Variants in C14orf39 observed in about 807,000 individuals in gnomAD.
C14orf39 encodes the protein protein SIX6OS1.
Under a neutral mutation model 85.6 loss-of-function variants are expected in C14orf39, and 66 were observed. The ratio of observed to expected loss-of-function variants is 0.77; its 90% CI spans 0.63 to 0.95. The LOEUF is 0.95. C14orf39 is among the 40% of genes least tolerant of loss of function. The pLI is 0.00. For missense variants in C14orf39, 735 were observed against 663.9 expected (o/e 1.11, Z -1.18); for synonymous variants, 242 against 214.0 (o/e 1.13, Z -1.14).
intron 1 of C14orf39, chr14:60,511,589 G>T: frequency 2.1e-6 from 1 of 486,646 alleles, no homozygotes; most frequent in Non-Finnish European, 3.8e-6. Context: ...GGTATTTCAC[G>T]TCGAAAGGAC....
In C14orf39 at chr14:60,456,997, T is replaced by C; in HGVS notation, c.1278A>G (p.Ile426Met). 1 of 1,611,536 alleles carries C rather than the reference T, an allele frequency of 6.2e-7. No homozygotes were observed. Among genetic ancestry groups the C allele is most frequent in the Middle Eastern group, 1.7e-4 (1 of 6,050 alleles). The change falls in exon 15 of 18, where the codon ATA becomes ATG. Residue 426 changes from isoleucine (I) to methionine (M), a missense_variant. Physicochemically the swap from Ile to Met is conservative, Grantham distance 10. Coordinates refer to ENST00000321731, the MANE Select transcript of C14orf39 (RefSeq NM_174978.3). ...TCACAGCTTTGGGAGTTCCTAAAAA[T>C]ATAGGAATTTCAGACGTTCGTGGAA... ...ENFPRTSEIP[I>M]FLGTPKAVKA...
intron 16 of C14orf39, among the ~76,000 whole-genome samples, chr14:60,454,516 T>C (rs529504264): frequency 2.6e-5 from 4 of 152,140 alleles, no homozygotes; most frequent in African/African-American, 9.6e-5. Flanking sequence ...GAATAAAGCA[T>C]GTCTCAATTT....
At chr14:60,438,615 A>C (rs1017991643) in intron 17 of C14orf39, among the ~76,000 whole-genome samples, 1 of 152,144 alleles carries the variant, frequency 6.6e-6, no homozygotes, top group African/African-American at 2.4e-5. Flanking sequence ...GATCTAGAGG[A>C]GATTTTATAT....
intron 5 of C14orf39, among the ~76,000 whole-genome samples, chr14:60,473,683 T>C (rs1231015631): frequency 6.6e-6 from 1 of 152,232 alleles, no homozygotes; most frequent in Non-Finnish European, 1.5e-5. Context: ...TTCTTGTTTT[T>C]GTCAGGGTTG....
intron 2 of C14orf39, chr14:60,495,124 T>C: frequency 4.3e-6 from 1 of 233,240 alleles, no homozygotes; most frequent in Non-Finnish European, 8.9e-6. Context: ...AGCTTGGCCA[T>C]AGATCTTACA....
At chr14:60,501,133 C>G (rs1893140387) in intron 1 of C14orf39, among the ~76,000 whole-genome samples, 1 of 151,854 alleles carries the variant, frequency 6.6e-6, no homozygotes, top group Non-Finnish European at 1.5e-5. Context: ...GAGACCCTGT[C>G]TCTACACACA....
upstream of C14orf39, among the ~76,000 whole-genome samples, chr14:60,490,866 A>G (rs1004523044): frequency 6.6e-6 from 1 of 152,198 alleles, no homozygotes; most frequent in Admixed American, 6.5e-5. Context: ...ACTGTCACCT[A>G]TTAACAGATA....
chr14:60,501,109 C>A (rs1893139466), intron 1 of C14orf39, among the ~76,000 whole-genome samples: 1 of 151,758 alleles, frequency 6.6e-6, no homozygotes, highest in Admixed American at 6.6e-5. Flanking sequence ...TGAGACCACC[C>A]TAGGCAATAT....
chr14:60,448,731 C>G (rs1031369833), intron 16 of C14orf39, among the ~76,000 whole-genome samples: 1 of 152,144 alleles, frequency 6.6e-6, no homozygotes, highest in African/African-American at 2.4e-5. Context: ...CACATGCACA[C>G]GTATGTTTTT....
chr14:60,458,851 G>A, intron 13 of C14orf39, 112 bp from the exon 14 acceptor site: 1 of 755,264 alleles, frequency 1.3e-6, no homozygotes, highest in Admixed American at 2.6e-5. Flanking sequence ...CTACAAAAAT[G>A]GCAACTTCAT....
chr14:60,461,787 C>A (rs919035049), intron 11 of C14orf39, among the ~76,000 whole-genome samples, 194 bp from the exon 12 acceptor site: 1 of 151,862 alleles, frequency 6.6e-6, no homozygotes, highest in Non-Finnish European at 1.5e-5. Flanking sequence ...TATTGAGAAA[C>A]AAAAAAGTTT....
At chr14:60,506,146 C>A (rs1893200844) in intron 1 of C14orf39, among the ~76,000 whole-genome samples, 1 of 152,118 alleles carries the variant, frequency 6.6e-6, no homozygotes, top group Non-Finnish European at 1.5e-5. Flanking sequence ...GAGCCTTTGT[C>A]CAAGACCTCA....
At chr14:60,441,000 C>T (rs947288386) in intron 17 of C14orf39, among the ~76,000 whole-genome samples, 2 of 152,174 alleles carry the variant, frequency 1.3e-5, no homozygotes, top group African/African-American at 4.8e-5. Flanking sequence ...TTCCCTTACT[C>T]TACATTACTT....
At chr14:60,499,267 A>AT (rs71114107) in intron 2 of C14orf39, 98,450 of 151,598 alleles carry the variant, frequency 0.65, 32,826 homozygotes, top group Admixed American at 0.72. Flanking sequence ...AAAAAAAAAA[A>AT]AATAATACTG....
chr14:60,472,171 A>C (rs372992616), intron 5 of C14orf39, among the ~76,000 whole-genome samples: 2 of 151,986 alleles, frequency 1.3e-5, no homozygotes, highest in Non-Finnish European at 2.9e-5. Context: ...TTCTAAAACC[A>C]TATCTTTTTA....
chr14:60,460,426 G>A (rs1023703374), intron 13 of C14orf39, among the ~76,000 whole-genome samples: 6 of 151,764 alleles, frequency 4.0e-5, no homozygotes. Context: ...CCTATACTGA[G>A]TGAGAGAAAA....
chr14:60,464,717 C>T (rs1891700370), intron 11 of C14orf39, among the ~76,000 whole-genome samples: 1 of 151,884 alleles, frequency 6.6e-6, no homozygotes, highest in South Asian at 2.1e-4. Context: ...TTTTTTTCAG[C>T]CTCAATGTCA....
rs1476425853 is a variant in C14orf39, at chr14:60,436,123, T to G, written c.*722A>C. The G allele has an allele frequency of 1.3e-5, 2 of 152,112 alleles. No homozygotes were observed. Among genetic ancestry groups the G allele is most frequent in the Non-Finnish European group, 2.9e-5 (2 of 67,986 alleles). The allele number at this position is 152,112 out of a possible 1,614,324, so 9.4% of individuals were successfully genotyped here. On this transcript the variant is annotated 3_prime_UTR_variant, in exon 18 of 18. Transcript: ENST00000321731. ...CTGAACACAAAACATAAAGAAGAAA[T>G]TTTTGTTATTGAAGGAGACAAAATT... is the stretch of plus-strand genomic sequence containing the variant.
chr14:60,463,997 C>CA (rs944057314), intron 11 of C14orf39, among the ~76,000 whole-genome samples: 1 of 152,038 alleles, frequency 6.6e-6, no homozygotes, highest in Non-Finnish European at 1.5e-5. Flanking sequence ...AAGAAACAAA[C>CA]AAAAAACCCT....
Sources: gnomAD v4.1 joint callset for allele counts (sites outside exome capture counted in the v4.1 genomes callset) on GRCh38, gnomAD v4.1.1 for gene constraint, MANE v1.5 for transcripts, NCBI Gene and HGNC (gene_info 2026-07-23, HGNC 2026-07-21) for gene names.